The following ROBO2 variants were observed in gnomAD, a reference collection of about 807,000 sequenced individuals.
ROBO2 encodes roundabout homolog 2.
Under a neutral mutation model 160.8 loss-of-function variants are expected in ROBO2, and 53 were observed. That is an observed-to-expected ratio of 0.33 (90% CI 0.26 to 0.41). ROBO2 has a LOEUF of 0.41. Ranked by LOEUF, ROBO2 falls within the 10% of genes least tolerant of loss-of-function variation. ROBO2 has a pLI of 1.00. For missense variants in ROBO2, 1,577 were observed against 1,722.4 expected (o/e 0.92, Z 1.49); for synonymous variants, 664 against 611.7 (o/e 1.09, Z -1.26).
chr3:77,431,806 T>C (rs551867900), intron 2 of ROBO2, among the ~76,000 whole-genome samples: 27 of 152,272 alleles, frequency 1.8e-4, no homozygotes, highest in Admixed American at 5.9e-4. Context: ...GGCTATTTTT[T>C]ATTCTTTTCA....
rs921800540 is a variant in ROBO2 at position 77,317,118 on chromosome 3, G to A, written c.389-160296G>A. 4 of 1,262,008 alleles carry A rather than the reference G, an allele frequency of 3.2e-6. No homozygotes were observed. In the African/African-American group the frequency reaches 5.9e-5, roughly 18 times the overall value. 78.2% of individuals were successfully genotyped at this position (1,262,008 alleles called of 1,614,324 possible). A position where few individuals can be genotyped will look rare whatever the true frequency, so the allele number is the denominator to read the frequency against. On this transcript the variant is annotated intron_variant, in intron 2 of 25. Coordinates refer to ENST00000461745, the Ensembl canonical transcript of ROBO2. ...CTGCAAAGTTGCTCTGGGTCACTCA[G>A]GAAGGACTTTGCAGTCTCAAAACGC...
chr3:76,187,543 G>A (rs1383394778), intron 2 of ROBO2, among the ~76,000 whole-genome samples: 1 of 151,996 alleles, frequency 6.6e-6, no homozygotes, highest in African/African-American at 2.4e-5. Flanking sequence ...CAAAGTTCTG[G>A]GATTAAAGGC....
At chr3:77,198,517 T>C (rs2150993798) in intron 2 of ROBO2, among the ~76,000 whole-genome samples, 1 of 152,312 alleles carries the variant, frequency 6.6e-6, no homozygotes, top group African/African-American at 2.4e-5. Flanking sequence ...TGTGGCAATG[T>C]CCCAATAGTG....
intron 2 of ROBO2, among the ~76,000 whole-genome samples, chr3:77,431,429 G>T (rs1482702204): frequency 6.6e-6 from 1 of 152,090 alleles, no homozygotes; most frequent in African/African-American, 2.4e-5. Context: ...ATGCTCTACA[G>T]GATAGTTTTC....
chr3:77,351,994 G>A (rs1012026858), intron 2 of ROBO2, among the ~76,000 whole-genome samples: 1 of 151,628 alleles, frequency 6.6e-6, no homozygotes, highest in African/African-American at 2.4e-5. Context: ...TATACCTAAT[G>A]CTAAATGACG....
intron 2 of ROBO2, among the ~76,000 whole-genome samples, chr3:76,524,776 C>T (rs890271017): frequency 8.3e-6 from 1 of 120,998 alleles, no homozygotes; most frequent in African/African-American, 3.1e-5. Context: ...TGAAATATGC[C>T]AGGCTTTCCA....
chr3:76,584,981 A>G (rs1388321595), intron 2 of ROBO2, among the ~76,000 whole-genome samples: 1 of 152,198 alleles, frequency 6.6e-6, no homozygotes, highest in Non-Finnish European at 1.5e-5. Flanking sequence ...TTCTCATTCA[A>G]CAGCAGTTCA....
intron 2 of ROBO2, among the ~76,000 whole-genome samples, chr3:76,972,324 G>C (rs927818348): frequency 6.6e-6 from 1 of 151,922 alleles, no homozygotes; most frequent in Non-Finnish European, 1.5e-5. Context: ...ATTTCCTTTG[G>C]GGGAATTTGT....
intron 2 of ROBO2, among the ~76,000 whole-genome samples, chr3:76,583,330 G>C (rs1457267060): frequency 6.6e-6 from 1 of 152,092 alleles, no homozygotes; most frequent in East Asian, 1.9e-4. Flanking sequence ...AGTAGAACAG[G>C]AAGAAAAAAT....
chr3:77,180,435 T>TATATATATATATATATATATA (rs1491200828), intron 2 of ROBO2, among the ~76,000 whole-genome samples: 3 of 63,932 alleles, frequency 4.7e-5, no homozygotes, highest in Non-Finnish European at 6.3e-5. Flanking sequence ...TATATATGTA[T>TATATATATATATATATATATA]TTTTTTTTTT....
chr3:76,157,379 A>G (rs1387823756), intron 2 of ROBO2, among the ~76,000 whole-genome samples: 1 of 152,082 alleles, frequency 6.6e-6, no homozygotes, highest in African/African-American at 2.4e-5. Flanking sequence ...TAAATGGAGT[A>G]TTGTGTGTCA....
At chr3:76,036,399 C>T (rs1481271370) in intron 2 of ROBO2, among the ~76,000 whole-genome samples, 4 of 151,918 alleles carry the variant, frequency 2.6e-5, no homozygotes, top group Non-Finnish European at 5.9e-5. Context: ...ATCTGCCTGC[C>T]TTGGCCTCCC....
At chr3:77,609,786 A>G (rs1048169461) in intron 21 of ROBO2, among the ~76,000 whole-genome samples, 1 of 100,778 alleles carries the variant, frequency 9.9e-6, no homozygotes, top group African/African-American at 3.6e-5. Context: ...GAAACTTTAT[A>G]TATACATATA....
intron 2 of ROBO2, among the ~76,000 whole-genome samples, chr3:76,904,477 A>G (rs2075454474): frequency 6.6e-6 from 1 of 152,200 alleles, no homozygotes; most frequent in African/African-American, 2.4e-5. Context: ...ACTAGGGCTT[A>G]ATATCTATTT....
chr3:77,002,002 G>A (rs971354115), intron 2 of ROBO2, among the ~76,000 whole-genome samples: 4 of 152,032 alleles, frequency 2.6e-5, no homozygotes, highest in African/African-American at 9.7e-5. Context: ...GCATTTTTAA[G>A]TTTACTATAT....
At chr3:77,185,157 A>C (rs1399520328) in intron 2 of ROBO2, among the ~76,000 whole-genome samples, 1 of 152,044 alleles carries the variant, frequency 6.6e-6, no homozygotes, top group Non-Finnish European at 1.5e-5. Flanking sequence ...GTTCCATCAA[A>C]AATGAGGACA....
intron 6 of ROBO2, among the ~76,000 whole-genome samples, chr3:77,533,418 GT>G (rs2091890920): frequency 6.6e-6 from 1 of 152,130 alleles, no homozygotes; most frequent in African/African-American, 2.4e-5. Flanking sequence ...TCTCCTAAGG[GT>G]TTCACAGACC....
At chr3:75,982,053 G>T (rs1350776168) in intron 2 of ROBO2, among the ~76,000 whole-genome samples, 2 of 151,446 alleles carry the variant, frequency 1.3e-5, no homozygotes, top group African/African-American at 4.8e-5. Context: ...CTTATTTCAA[G>T]TAACTTAATG....
At chr3:77,044,125 TA>T (rs909167476) in intron 1 of ROBO2, among the ~76,000 whole-genome samples, 14 of 144,352 alleles carry the variant, frequency 9.7e-5, no homozygotes, top group South Asian at 6.6e-4. Flanking sequence ...ATGTGGACCA[TA>T]AAAAAAAAGG....
Sources: allele counts gnomAD v4.1 joint callset (sites outside exome capture counted in the v4.1 genomes callset), GRCh38; gene constraint gnomAD v4.1.1; transcripts MANE v1.5; gene names NCBI Gene and HGNC (gene_info 2026-07-23, HGNC 2026-07-21).